Variants in SHISA6 observed in about 807,000 individuals in gnomAD.
The protein encoded by SHISA6 is shisa family member 6.
A neutral mutation model predicts 47.9 loss-of-function variants in SHISA6; 22 were observed. The observed-to-expected ratio is 0.46, with a 90% CI of 0.33 to 0.66. SHISA6 has a LOEUF of 0.66. SHISA6 is among the 30% of genes least tolerant of loss of function. SHISA6 has a pLI of 0.02. For synonymous variants in SHISA6, 388 were observed against 337.8 expected (o/e 1.15, Z -1.63); for missense variants, 680 against 764.6 (o/e 0.89, Z 1.30).
chr17:11,347,507 T>C (rs984043138), intron 2 of SHISA6, among the ~76,000 whole-genome samples: 3 of 152,228 alleles, frequency 2.0e-5, no homozygotes, highest in African/African-American at 7.2e-5. Flanking sequence ...ATATTTCACA[T>C]GTATTATCTT....
chr17:11,258,687 A>T (rs1908109334), intron 1 of SHISA6, among the ~76,000 whole-genome samples: 1 of 152,186 alleles, frequency 6.6e-6, no homozygotes, highest in Non-Finnish European at 1.5e-5. Flanking sequence ...GGTCTGGTGA[A>T]GTATATTGGT....
intron 2 of SHISA6, among the ~76,000 whole-genome samples, chr17:11,285,918 C>T (rs1186424535): frequency 2.6e-5 from 4 of 151,134 alleles, no homozygotes; most frequent in African/African-American, 4.9e-5. Flanking sequence ...CTCACTGCAA[C>T]GTCAGTCTCG....
chr17:11,541,752 C>T (rs912212976), intron 3 of SHISA6, among the ~76,000 whole-genome samples: 1 of 152,038 alleles, frequency 6.6e-6, no homozygotes, highest in African/African-American at 2.4e-5. Flanking sequence ...TTAAGCTACC[C>T]AGGGAGTGAG....
intron 3 of SHISA6, among the ~76,000 whole-genome samples, chr17:11,384,862 AAG>A (rs1478354364): frequency 6.6e-6 from 1 of 152,170 alleles, no homozygotes; most frequent in African/African-American, 2.4e-5. Flanking sequence ...GGGAGAGAGA[AAG>A]AGAAATTTTT....
intron 2 of SHISA6, among the ~76,000 whole-genome samples, chr17:11,295,594 G>C (rs1909723273): frequency 6.6e-6 from 1 of 152,198 alleles, no homozygotes; most frequent in Non-Finnish European, 1.5e-5. Flanking sequence ...TTTTGTAAAT[G>C]ATAAAGGATG....
At chr17:11,276,712 TATC>T (rs1261368415) in intron 2 of SHISA6, among the ~76,000 whole-genome samples, 1 of 150,370 alleles carries the variant, frequency 6.7e-6, no homozygotes, top group Non-Finnish European at 1.5e-5. Context: ...TCACCACCAT[TATC>T]ATCATCACCA....
At chr17:11,467,243 C>G (rs1915830403) in intron 3 of SHISA6, among the ~76,000 whole-genome samples, 2 of 152,166 alleles carry the variant, frequency 1.3e-5, no homozygotes, top group South Asian at 4.1e-4. Flanking sequence ...ACGTACTGCT[C>G]TTGGCTCCAG....
intron 2 of SHISA6, among the ~76,000 whole-genome samples, chr17:11,266,230 A>G (rs2079107019): frequency 6.6e-6 from 1 of 152,312 alleles, no homozygotes; most frequent in African/African-American, 2.4e-5. Context: ...TTGTAGGAGT[A>G]TGGTAGTAAG....
chr17:11,494,561 C>T (rs940899494), intron 3 of SHISA6, among the ~76,000 whole-genome samples: 1 of 152,202 alleles, frequency 6.6e-6, no homozygotes, highest in Non-Finnish European at 1.5e-5. Flanking sequence ...TGCATTAGAA[C>T]TCCTAGGGTT....
At chr17:11,277,284 A>T (rs201555083) in intron 2 of SHISA6, among the ~76,000 whole-genome samples, 922 of 62,790 alleles carry the variant, frequency 0.015, 5 homozygotes, top group African/African-American at 0.044. Context: ...TCTCTCTCAC[A>T]CACACACACA....
chr17:11,244,975 T>A (rs1907517698), intron 1 of SHISA6, among the ~76,000 whole-genome samples: 1 of 152,186 alleles, frequency 6.6e-6, no homozygotes, highest in Non-Finnish European at 1.5e-5. Context: ...GCTCCCAGGC[T>A]GGACAGCCCT....
At chr17:11,413,574 C>T (rs572183141) in intron 3 of SHISA6, among the ~76,000 whole-genome samples, 17 of 152,244 alleles carry the variant, frequency 1.1e-4, no homozygotes, top group Middle Eastern at 3.4e-3. Flanking sequence ...CTCAGCTGGC[C>T]GGTTCTTCTC....
chr17:11,306,528 A>G (rs1170870273), intron 2 of SHISA6, among the ~76,000 whole-genome samples: 1 of 152,184 alleles, frequency 6.6e-6, no homozygotes, highest in African/African-American at 2.4e-5. Context: ...TGTCCACTGT[A>G]TTCATCCTTG....
chr17:11,356,569 C>T (rs1422711059), intron 2 of SHISA6, among the ~76,000 whole-genome samples: 1 of 152,184 alleles, frequency 6.6e-6, no homozygotes, highest in Non-Finnish European at 1.5e-5. Context: ...CCTTGACTGA[C>T]AGCTGTGGAG....
chr17:11,420,529 G>A (rs571535556), intron 3 of SHISA6, among the ~76,000 whole-genome samples: 1 of 152,246 alleles, frequency 6.6e-6, no homozygotes, highest in African/African-American at 2.4e-5. Flanking sequence ...GGCACATATT[G>A]GAATAACACC....
chr17:11,378,531 T>G (rs1490053010), intron 2 of SHISA6, among the ~76,000 whole-genome samples: 1 of 152,246 alleles, frequency 6.6e-6, no homozygotes, highest in African/African-American at 2.4e-5. Context: ...CACATGTACA[T>G]ACTTTAGGAG....
At chr17:11,423,408 G>A (rs1381331937) in intron 3 of SHISA6, among the ~76,000 whole-genome samples, 2 of 151,564 alleles carry the variant, frequency 1.3e-5, no homozygotes. Context: ...ACAAGTAAGA[G>A]CTCTCGCTAA....
intron 3 of SHISA6, among the ~76,000 whole-genome samples, chr17:11,416,460 G>C (rs1031862170): frequency 2.6e-5 from 4 of 152,068 alleles, no homozygotes; most frequent in Non-Finnish European, 4.4e-5. Context: ...ATAGTTGTTG[G>C]TCGAAATTCA....
At chr17:11,247,350 T>C (rs1907631630) in intron 1 of SHISA6, among the ~76,000 whole-genome samples, 1 of 152,198 alleles carries the variant, frequency 6.6e-6, no homozygotes, top group Non-Finnish European at 1.5e-5. Flanking sequence ...TATTTAGGTC[T>C]TCCCTTTCTA....
Sources: allele counts gnomAD v4.1 joint callset (sites outside exome capture counted in the v4.1 genomes callset), GRCh38; gene constraint gnomAD v4.1.1; transcripts MANE v1.5; gene names NCBI Gene and HGNC (gene_info 2026-07-23, HGNC 2026-07-21).